The following CELF4 variants were observed in gnomAD, a reference collection of about 807,000 sequenced individuals.
CELF4 encodes CUGBP Elav-like family member 4, also known as CUG-BP- and ETR-3-like factor 4.
A neutral mutation model predicts 59.9 loss-of-function variants in CELF4; 18 were observed. The observed-to-expected ratio is 0.30, with a 90% CI of 0.21 to 0.45. The LOEUF is 0.45. Among genes scored for constraint, CELF4 ranks in the 20% least tolerant of loss-of-function variants. The pLI is 1.00. For missense variants in CELF4, 456 were observed against 689.0 expected, an observed-to-expected ratio of 0.66 and a Z score of 3.79; for synonymous variants, 261 against 267.1, an observed-to-expected ratio of 0.98 and a Z score of 0.22.
chr18:37,409,479 C>G (rs1019326172), intron 2 of CELF4, among the ~76,000 whole-genome samples: 10 of 152,234 alleles, frequency 6.6e-5, no homozygotes, highest in Non-Finnish European at 1.5e-4. Context: ...TAAGCACGCT[C>G]TTCACTGAGC....
intron 2 of CELF4, among the ~76,000 whole-genome samples, chr18:37,476,868 T>C (rs12604329): frequency 0.85 from 128,990 of 152,182 alleles, 54,769 homozygotes; most frequent in East Asian, 1. Flanking sequence ...GCTCCACACA[T>C]GCCCACATTC....
chr18:37,312,844 C>G (rs369135830), intron 3 of CELF4, among the ~76,000 whole-genome samples: 155 of 152,272 alleles, frequency 1.0e-3, no homozygotes, highest in African/African-American at 3.6e-3. Context: ...GTGATGCCTC[C>G]CCAGGACCCT....
At chr18:37,464,461 C>G (rs1018646484) in intron 2 of CELF4, among the ~76,000 whole-genome samples, 2 of 152,204 alleles carry the variant, frequency 1.3e-5, no homozygotes, top group Non-Finnish European at 2.9e-5. Context: ...TTTCTAGGCC[C>G]CTGGCTGGGG....
intron 2 of CELF4, among the ~76,000 whole-genome samples, chr18:37,390,826 G>T (rs2099153268): frequency 6.7e-6 from 1 of 149,348 alleles, no homozygotes; most frequent in African/African-American, 2.5e-5. Context: ...AGTGCTGCTG[G>T]CCGGCACAGC....
chr18:37,378,118 A>G (rs2098992525), intron 2 of CELF4, among the ~76,000 whole-genome samples: 1 of 151,928 alleles, frequency 6.6e-6, no homozygotes, highest in African/African-American at 2.4e-5. Context: ...GCTCCCACTC[A>G]CCTTGCCCAC....
intron 3 of CELF4, among the ~76,000 whole-genome samples, chr18:37,292,030 C>T (rs955916662): frequency 1.9e-5 from 2 of 106,150 alleles, no homozygotes; most frequent in African/African-American, 9.9e-5. Context: ...AGATTAGCAC[C>T]CTTATAAAAA....
chr18:37,382,806 A>G (rs2099055159), intron 2 of CELF4, among the ~76,000 whole-genome samples: 1 of 152,114 alleles, frequency 6.6e-6, no homozygotes, highest in Non-Finnish European at 1.5e-5. Flanking sequence ...AGCCCACTCT[A>G]GGGCTATTAA....
chr18:37,382,450 G>A (rs1189520874), intron 2 of CELF4, among the ~76,000 whole-genome samples: 2 of 152,188 alleles, frequency 1.3e-5, no homozygotes, highest in African/African-American at 2.4e-5. Flanking sequence ...TCTTAGGTAC[G>A]ATGATCCCAG....
At chr18:37,332,016 G>C (rs920997092) in intron 2 of CELF4, among the ~76,000 whole-genome samples, 4 of 152,186 alleles carry the variant, frequency 2.6e-5, no homozygotes, top group African/African-American at 7.2e-5. Flanking sequence ...GCAGCTGCAC[G>C]TGCAGGAGGT....
At chr18:37,539,279 G>A (rs1172933697) in intron 1 of CELF4, among the ~76,000 whole-genome samples, 1 of 152,144 alleles carries the variant, frequency 6.6e-6, no homozygotes, top group Non-Finnish European at 1.5e-5. Context: ...ATTTTATAAA[G>A]AGAAAGCTGA....
At chr18:37,332,325 C>T (rs1470487136) in intron 2 of CELF4, among the ~76,000 whole-genome samples, 4 of 152,158 alleles carry the variant, frequency 2.6e-5, no homozygotes, top group African/African-American at 9.7e-5. Flanking sequence ...GTCCAGGTGG[C>T]ACCCTTTGCA....
intron 3 of CELF4, 72 bp downstream of exon 3, chr18:37,321,731 C>T: frequency 8.7e-7 from 1 of 1,151,272 alleles, no homozygotes; most frequent in Non-Finnish European, 1.3e-6. Flanking sequence ...CGCTGCATCG[C>T]CTTGCTGCGT....
chr18:37,354,926 A>C (rs2098538002), intron 2 of CELF4, among the ~76,000 whole-genome samples: 1 of 152,242 alleles, frequency 6.6e-6, no homozygotes. Context: ...CTATGGAGAG[A>C]GATATTTCCA....
At chr18:37,399,219 T>A (rs1405143245) in intron 2 of CELF4, among the ~76,000 whole-genome samples, 1 of 152,222 alleles carries the variant, frequency 6.6e-6, no homozygotes, top group Non-Finnish European at 1.5e-5. Context: ...ATGGGACATT[T>A]AAGAGGTGAT....
At chr18:37,342,540 T>C (rs2098094909) in intron 2 of CELF4, among the ~76,000 whole-genome samples, 1 of 152,158 alleles carries the variant, frequency 6.6e-6, no homozygotes, top group African/African-American at 2.4e-5. Context: ...CCCTCCCCTG[T>C]GCTCTGCAGC....
intron 2 of CELF4, among the ~76,000 whole-genome samples, chr18:37,339,084 A>T (rs1001968967): frequency 6.6e-6 from 1 of 152,204 alleles, no homozygotes; most frequent in Non-Finnish European, 1.5e-5. Context: ...GGCGCAGCCC[A>T]ATTTTATAAG....
At chr18:37,471,931 C>T (rs995930411) in intron 2 of CELF4, among the ~76,000 whole-genome samples, 2 of 152,226 alleles carry the variant, frequency 1.3e-5, no homozygotes, top group African/African-American at 4.8e-5. Flanking sequence ...CCCTCTGTCT[C>T]TCGGCCTTGA....
intron 2 of CELF4, among the ~76,000 whole-genome samples, chr18:37,450,699 G>A (rs1001440078): frequency 6.6e-6 from 1 of 151,934 alleles, no homozygotes; most frequent in African/African-American, 2.4e-5. Flanking sequence ...CGGGGCACCC[G>A]CCTCACCTCA....
chr18:37,343,260 C>T (rs147518483), intron 2 of CELF4, among the ~76,000 whole-genome samples: 2 of 151,380 alleles, frequency 1.3e-5, no homozygotes, highest in Non-Finnish European at 2.9e-5. Context: ...CCTGTGTTTG[C>T]AGCAGTTTTG....
Sources: gnomAD v4.1 joint callset for allele counts (sites outside exome capture counted in the v4.1 genomes callset) on GRCh38, gnomAD v4.1.1 for gene constraint, MANE v1.5 for transcripts, NCBI Gene and HGNC (gene_info 2026-07-23, HGNC 2026-07-21) for gene names.